THSD7B: variants seen among roughly 807,000 people sequenced by gnomAD.
THSD7B encodes thrombospondin type-1 domain-containing protein 7B.
A neutral mutation model predicts 213.6 loss-of-function variants in THSD7B; 138 were observed. The ratio of observed to expected loss-of-function variants is 0.65; its 90% CI spans 0.56 to 0.74. The LOEUF is 0.74. Among genes scored for constraint, THSD7B ranks in the 30% least tolerant of loss-of-function variants. The probability of loss-of-function intolerance (pLI) is 0.00; values close to 1 mark genes in which losing one functional copy is unlikely to be tolerated. For synonymous variants in THSD7B, 742 were observed against 687.0 expected, an observed-to-expected ratio of 1.08 and a Z score of -1.25; for missense variants, 1,931 against 1,991.5, an observed-to-expected ratio of 0.97 and a Z score of 0.58.
chr2:137,432,760 T>C (rs1392921586), intron 14 of THSD7B, among the ~76,000 whole-genome samples: 2 of 152,224 alleles, frequency 1.3e-5, no homozygotes, highest in African/African-American at 4.8e-5. Flanking sequence ...TTGATGTCTT[T>C]TTCTTTTTAA....
chr2:136,897,594 C>T (rs1017769717), intron 2 of THSD7B, among the ~76,000 whole-genome samples: 1 of 152,160 alleles, frequency 6.6e-6, no homozygotes, highest in Non-Finnish European at 1.5e-5. Context: ...ACAAAGCTTC[C>T]ACAGTGTGGA....
intron 15 of THSD7B, among the ~76,000 whole-genome samples, chr2:137,547,683 CT>C (rs558883233): frequency 6.6e-6 from 1 of 151,982 alleles, no homozygotes; most frequent in Non-Finnish European, 1.5e-5. Flanking sequence ...TATGTTTTTC[CT>C]TTTTTTAAAA....
At chr2:137,269,708 A>C (rs1447661212) in intron 10 of THSD7B, among the ~76,000 whole-genome samples, 1 of 152,198 alleles carries the variant, frequency 6.6e-6, no homozygotes, top group East Asian at 1.9e-4. Context: ...AATTATTTAC[A>C]AAATATTCTT....
At chr2:136,994,566 G>A (rs1401811701) in intron 2 of THSD7B, among the ~76,000 whole-genome samples, 1 of 152,158 alleles carries the variant, frequency 6.6e-6, no homozygotes, top group Non-Finnish European at 1.5e-5. Context: ...CTCTGTCTTA[G>A]AAAATCTAAG....
chr2:136,861,079 C>T (rs1340580792), intron 1 of THSD7B, among the ~76,000 whole-genome samples: 1 of 152,202 alleles, frequency 6.6e-6, no homozygotes, highest in East Asian at 1.9e-4. Context: ...TAGGTACCCA[C>T]TGAATGTGTA....
At chr2:137,211,323 A>G (rs1204899045) in intron 7 of THSD7B, among the ~76,000 whole-genome samples, 2 of 4,320 alleles carry the variant, frequency 4.6e-4, no homozygotes, top group South Asian at 0.011. Flanking sequence ...AACAGACTCT[A>G]TCCTTCCTAC....
chr2:137,622,627 TA>T (rs1315818782), intron 20 of THSD7B, among the ~76,000 whole-genome samples: 1 of 151,976 alleles, frequency 6.6e-6, no homozygotes, highest in Non-Finnish European at 1.5e-5. Flanking sequence ...ATTGCCACAA[TA>T]AAAAATGATA....
At chr2:137,620,362 T>G (rs1456119820) in intron 19 of THSD7B, among the ~76,000 whole-genome samples, 1 of 152,180 alleles carries the variant, frequency 6.6e-6, no homozygotes, top group African/African-American at 2.4e-5. Flanking sequence ...GCCTCTGCTT[T>G]CCTGGCAGCC....
At chr2:136,793,765 G>A (rs1593760) in intron 1 of THSD7B, among the ~76,000 whole-genome samples, 99,650 of 151,572 alleles carry the variant, frequency 0.66, 32,879 homozygotes, top group East Asian at 0.8. Context: ...AGGTTTCAGT[G>A]TCAGGATTAT....
At chr2:137,572,000 AAGGT>A (rs1310894911) in intron 16 of THSD7B, among the ~76,000 whole-genome samples, 1 of 151,360 alleles carries the variant, frequency 6.6e-6, no homozygotes, top group African/African-American at 2.5e-5. Context: ...AGGAAGTAGG[AAGGT>A]TCTAGCTATC....
chr2:136,857,483 G>A (rs1683194236), intron 1 of THSD7B, among the ~76,000 whole-genome samples: 1 of 152,220 alleles, frequency 6.6e-6, no homozygotes, highest in Admixed American at 6.5e-5. Flanking sequence ...CCAAGTCCTA[G>A]GCATCCCGTC....
intron 1 of THSD7B, among the ~76,000 whole-genome samples, chr2:136,833,946 AT>A (rs1032661201): frequency 2.0e-5 from 3 of 152,144 alleles, no homozygotes; most frequent in Admixed American, 1.3e-4. Context: ...ATCCCCATAG[AT>A]TTTTTTTGAG....
At chr2:137,303,469 A>G (rs954971472) in intron 12 of THSD7B, among the ~76,000 whole-genome samples, 1 of 151,498 alleles carries the variant, frequency 6.6e-6, no homozygotes, top group African/African-American at 2.4e-5. Context: ...TGAATTTCAA[A>G]TGCTTTATTT....
At chr2:137,266,987 A>G (rs1209307322) in intron 10 of THSD7B, among the ~76,000 whole-genome samples, 1 of 152,184 alleles carries the variant, frequency 6.6e-6, no homozygotes, top group Non-Finnish European at 1.5e-5. Context: ...ACCTACCTGC[A>G]AATCACCCAA....
chr2:137,438,539 G>A (rs937755719), intron 14 of THSD7B, among the ~76,000 whole-genome samples: 2 of 151,944 alleles, frequency 1.3e-5, no homozygotes, highest in African/African-American at 2.4e-5. Flanking sequence ...GAAATAAATG[G>A]GTGTGGCTCT....
intron 2 of THSD7B, among the ~76,000 whole-genome samples, chr2:136,889,780 T>C (rs1683782412): frequency 6.6e-6 from 1 of 152,196 alleles, no homozygotes; most frequent in South Asian, 2.1e-4. Context: ...CCTGTCCCCC[T>C]GCACAGCCTG....
chr2:137,542,602 C>A (rs1032272157), intron 15 of THSD7B, among the ~76,000 whole-genome samples: 11 of 151,850 alleles, frequency 7.2e-5, no homozygotes, highest in African/African-American at 2.6e-4. Context: ...TTCTTCTCCA[C>A]TGCACATGGA....
intron 12 of THSD7B, among the ~76,000 whole-genome samples, chr2:137,321,456 T>A (rs1684263829): frequency 6.6e-6 from 1 of 152,182 alleles, no homozygotes; most frequent in Non-Finnish European, 1.5e-5. Context: ...TGCTAATGAG[T>A]TGACATATTC....
chr2:137,518,053 G>A (rs1457930677), intron 15 of THSD7B, among the ~76,000 whole-genome samples: 1 of 151,956 alleles, frequency 6.6e-6, no homozygotes, highest in Non-Finnish European at 1.5e-5. Context: ...TCAAATGGAA[G>A]TGGTTGGGCT....
Sources: allele counts gnomAD v4.1 joint callset (sites outside exome capture counted in the v4.1 genomes callset), GRCh38; gene constraint gnomAD v4.1.1; transcripts MANE v1.5; gene names NCBI Gene and HGNC (gene_info 2026-07-23, HGNC 2026-07-21).